The following RYR1 variants were observed in gnomAD, a reference collection of about 807,000 sequenced individuals.
The protein encoded by RYR1 is ryanodine receptor 1, also known as central core disease of muscle.
RYR1 carries 342 observed loss-of-function variants against 583.5 expected under a neutral mutation model. The observed-to-expected ratio is 0.59, with a 90% CI of 0.54 to 0.64. RYR1 has a LOEUF of 0.64. Among genes scored for constraint, RYR1 ranks in the 30% least tolerant of loss-of-function variants. The pLI is 0.00. For missense variants in RYR1, 6,032 were observed against 6,917.2 expected (o/e 0.87, Z 4.54); for synonymous variants, 2,791 against 2,822.5 (o/e 0.99, Z 0.35).
At position 38,543,088 on chromosome 19, in the gene RYR1, T is replaced by C. The variant is rs1204346876; in HGVS notation, c.11690-259T>C. Among the ~76,000 whole-genome samples the C allele has an allele frequency of 1.3e-5, 2 of 150,784 alleles. No homozygotes were observed. The highest frequency in any genetic ancestry group is 2.0e-4 in the East Asian group (1 of 5,032). ...AACTCCTGACCTCAGGTGATCTGCC[T>C]GCCTGGGCCTCCCAAAGTGCTGGAA... is the stretch of plus-strand genomic sequence containing the variant. On this transcript the variant is annotated intron_variant, in intron 84 of 105. Transcript: ENST00000359596. The surrounding 1 kb of genome is among the most constrained non-coding windows in gnomAD (Gnocchi z 4.4).
chr19:38,585,862 G>A (rs890357539), intron 102 of RYR1, 76 bp from the exon 103 acceptor site: 4 of 1,558,736 alleles, frequency 2.6e-6, no homozygotes, highest in African/African-American at 1.4e-5. Flanking sequence ...GGCAAGCCCT[G>A]GAGGTAGGTA....
At chr19:38,585,812 A>C in intron 102 of RYR1, 126 bp from the exon 103 acceptor site, 1 of 1,144,206 alleles carries the variant, frequency 8.7e-7, no homozygotes, top group Non-Finnish European at 1.3e-6. Flanking sequence ...CTTCTTAGGA[A>C]GCGAGATTAG....
intron 71 of RYR1, among the ~76,000 whole-genome samples, chr19:38,526,181 A>C (rs1206809264): frequency 1.3e-5 from 2 of 151,290 alleles, no homozygotes; most frequent in Non-Finnish European, 2.9e-5. Flanking sequence ...GGGCTGTAGA[A>C]CCTCTTAAGC....
intron 1 of RYR1, among the ~76,000 whole-genome samples, chr19:38,435,064 A>ACCATGG (rs1972366787): frequency 6.6e-6 from 1 of 151,890 alleles, no homozygotes; most frequent in Non-Finnish European, 1.5e-5. Flanking sequence ...CCCTAATAAG[A>ACCATGG]CCATGGCCAT....
intron 71 of RYR1, 115 bp downstream of exon 71, chr19:38,525,617 C>G: frequency 8.5e-7 from 1 of 1,174,218 alleles, no homozygotes; most frequent in Non-Finnish European, 1.2e-6. Flanking sequence ...TCCCTGGGAG[C>G]CTTCCCTTCA....
intron 69 of RYR1, 49 bp downstream of exon 69, chr19:38,523,358 C>G: frequency 6.2e-7 from 1 of 1,609,532 alleles, no homozygotes; most frequent in East Asian, 2.2e-5. Flanking sequence ...GGCGGGAGCA[C>G]CCTCTAGGAC....
intron 27 of RYR1, among the ~76,000 whole-genome samples, chr19:38,471,995 A>G (rs529457819): frequency 5.3e-5 from 8 of 151,822 alleles, no homozygotes; most frequent in Non-Finnish European, 1.2e-4. Flanking sequence ...ACCTAGGTTC[A>G]TCTTGGCAAC....
chr19:38,488,815 A>G (rs1430339556), intron 34 of RYR1, among the ~76,000 whole-genome samples: 1 of 152,112 alleles, frequency 6.6e-6, no homozygotes, highest in African/African-American at 2.4e-5. Context: ...TAGCATCTTC[A>G]TTATGTTGAC....
intron 34 of RYR1, among the ~76,000 whole-genome samples, chr19:38,486,491 G>A (rs1303923382): frequency 1.3e-5 from 2 of 152,164 alleles, no homozygotes; most frequent in African/African-American, 2.4e-5. Flanking sequence ...CTACAGGCAT[G>A]TGCCACCACG....
chr19:38,501,101 T>C, intron 47 of RYR1, 111 bp downstream of exon 47: 5 of 1,025,310 alleles, frequency 4.9e-6, no homozygotes, highest in Non-Finnish European at 7.3e-6. Context: ...ATTGTGGACA[T>C]ATCATAATCC....
At position 38,525,518 on chromosome 19, in the gene RYR1, C is replaced by T. The variant is rs779302811; in HGVS notation, c.10626+16C>T. 10 of 1,612,574 alleles carry T rather than the reference C, an allele frequency of 6.2e-6. No homozygotes were observed. The highest frequency in any genetic ancestry group is 2.2e-5 in the South Asian group (2 of 90,964). On this transcript the variant is annotated intron_variant, in intron 71 of 105. Coordinates refer to ENST00000359596, the MANE Select transcript of RYR1 (RefSeq NM_000540.3). ...TTACGCCCTGGTGCCTGCCCAGCCC[C>T]GTCCTCGGAACCTTCCAGGATGCCG...
intron 89 of RYR1, among the ~76,000 whole-genome samples, chr19:38,548,917 C>T (rs1972545767): frequency 6.6e-6 from 1 of 152,172 alleles, no homozygotes; most frequent in African/African-American, 2.4e-5. Flanking sequence ...TGCATTAACA[C>T]AGATGAGAAC....
rs372678438 is a variant in RYR1 at position 38,455,500 on chromosome 19, C to T, written c.1626C>T (p.Asn542=). 3.1e-6 allele frequency: 5 copies of T among 1,614,064 alleles called. No homozygotes were observed. In the African/African-American group the frequency reaches 5.3e-5, roughly 17 times the overall value. The part of the protein sequence containing the change: ...NRSNCALFST[N]LDWLVSKLDR... The stretch of plus-strand genomic sequence containing the variant: ...GCAACTGTGCCCTCTTCTCCACAAA[C>T]TTGGACTGGCTGGTCAGCAAGCTGG... Residue 542 remains asparagine (N), a synonymous_variant, in exon 15 of 106, where the codon AAC becomes AAT. Coordinates refer to ENST00000359596, the MANE Select transcript of RYR1 (RefSeq NM_000540.3).
intron 97 of RYR1, 52 bp from the exon 98 acceptor site, chr19:38,577,864 GAC>G: frequency 6.2e-7 from 1 of 1,609,554 alleles, no homozygotes; most frequent in Non-Finnish European, 8.5e-7. Context: ...TGCAGGCCAC[GAC>G]ACACACCCAC....
chr19:38,565,921 C>A lies in RYR1; in HGVS notation c.13437+150C>A. On this transcript the variant is annotated intron_variant, in intron 91 of 105. Coordinates refer to ENST00000359596, the MANE Select transcript of RYR1 (RefSeq NM_000540.3). This position sits in a 1 kb window ranked among gnomAD's most constrained non-coding sequence, Gnocchi z 4.7. ...ACGGAGGACGCACCCATGGAGGACG[C>A]ACACGGGGACAGCGGGCGCCGGGCA... 1.1e-6 allele frequency: 1 copy of A among 929,234 alleles called. No homozygotes were observed. Among genetic ancestry groups the A allele is most frequent in the Non-Finnish European group, 1.4e-6 (1 of 692,178 alleles). 57.6% of individuals were successfully genotyped at this position (929,234 alleles called of 1,614,324 possible). A position where few individuals can be genotyped will look rare whatever the true frequency, so the allele number is the denominator to read the frequency against.
At chr19:38,566,737 C>T (rs1946188472) in intron 91 of RYR1, among the ~76,000 whole-genome samples, 174 bp from the exon 92 acceptor site, 1 of 152,164 alleles carries the variant, frequency 6.6e-6, no homozygotes, top group African/African-American at 2.4e-5. Flanking sequence ...CTCGATGAGC[C>T]TCAGTTTCCC....
chr19:38,450,879 G>T (rs1471191982), intron 11 of RYR1, among the ~76,000 whole-genome samples: 2 of 152,220 alleles, frequency 1.3e-5, no homozygotes, highest in Non-Finnish European at 2.9e-5. Flanking sequence ...ATGCAAGCTT[G>T]TAGCTCGATT....
chr19:38,565,897 C>G lies in RYR1; in HGVS notation c.13437+126C>G, dbSNP rs905284688. 7 of 1,109,836 alleles carry G rather than the reference C, an allele frequency of 6.3e-6. No homozygotes were observed. Among genetic ancestry groups the G allele is most frequent in the Non-Finnish European group, 8.2e-6 (7 of 857,530 alleles). 68.7% of individuals were successfully genotyped at this position (1,109,836 alleles called of 1,614,324 possible). On this transcript the variant is annotated intron_variant, in intron 91 of 105. Transcript: ENST00000359596. This position sits in a 1 kb window ranked among gnomAD's most constrained non-coding sequence, Gnocchi z 4.7. ...CTAGGGGGATGGGCACACGCACCCA[C>G]GGAGGACGCACCCATGGAGGACGCA...
intron 95 of RYR1, among the ~76,000 whole-genome samples, chr19:38,572,630 G>GC (rs1354160310): frequency 2.0e-5 from 3 of 151,948 alleles, no homozygotes; most frequent in East Asian, 3.9e-4. Flanking sequence ...CCTTGCACCT[G>GC]CCTGTTTTAT....
Sources: gnomAD v4.1 joint callset for allele counts (sites outside exome capture counted in the v4.1 genomes callset) on GRCh38, gnomAD v4.1.1 for gene constraint, Gnocchi (gnomAD v3.1) non-coding constraint, MANE v1.5 for transcripts, NCBI Gene and HGNC (gene_info 2026-07-23, HGNC 2026-07-21) for gene names.